The following BACE2 variants were observed in gnomAD, a reference collection of about 807,000 sequenced individuals.
BACE2 encodes the protein 56 kDa aspartic-like protease.
Under a neutral mutation model 46.2 loss-of-function variants are expected in BACE2, and 17 were observed. That is an observed-to-expected ratio of 0.37 (90% confidence interval 0.25 to 0.55). The LOEUF (loss-of-function observed/expected upper bound fraction) is 0.55, where lower values mean the gene tolerates loss of function less well. Among genes scored for constraint, BACE2 ranks in the 20% least tolerant of loss-of-function variants. BACE2 has a pLI of 0.82. For missense variants in BACE2, 595 were observed against 698.1 expected, an observed-to-expected ratio of 0.85 and a Z score of 1.66; for synonymous variants, 277 against 295.9, an observed-to-expected ratio of 0.94 and a Z score of 0.66.
At chr21:41,174,138 C>CTTTTTTTTTTTTTTTTTTTTTTTTTTT (rs1568853912) in intron 1 of BACE2, among the ~76,000 whole-genome samples, 2 of 70,648 alleles carry the variant, frequency 2.8e-5, no homozygotes, top group East Asian at 5.5e-4. Flanking sequence ...TGATCAGTGG[C>CTTTTTTTTTTTTTTTTTTTTTTTTTTT]CTTTTTTTTT....
chr21:41,242,056 G>A, intron 4 of BACE2, 109 bp downstream of exon 4: 1 of 1,428,708 alleles, frequency 7.0e-7, no homozygotes, highest in South Asian at 1.3e-5. Flanking sequence ...GGTGTGCGTA[G>A]GTACTGTAAA....
rs1191816469 is a variant in BACE2, at chr21:41,282,103, C to T, written c.*6479C>T. 1 of 152,212 alleles carries T rather than the reference C, an allele frequency of 6.6e-6. No individual in the cohort carries two copies. The highest frequency in any genetic ancestry group is 2.4e-5 in the African/African-American group (1 of 41,456). The allele number at this position is 152,212 out of a possible 1,614,324, so 9.4% of individuals were successfully genotyped here. ...CTGCTGTGCTAGAGTCAGTATTTTG[C>T]TTCTGGCAGGAGAGCTGCAAACTGT... On this transcript the variant is annotated 3_prime_UTR_variant, in exon 9 of 9. Coordinates refer to ENST00000330333, the MANE Select transcript of BACE2 (RefSeq NM_012105.5).
intron 1 of BACE2, among the ~76,000 whole-genome samples, chr21:41,225,188 C>T (rs1039291217): frequency 4.6e-5 from 7 of 150,552 alleles, no homozygotes; most frequent in East Asian, 2.0e-4. Context: ...GAGCCGAGAT[C>T]GTGCCACTGC....
chr21:41,192,084 T>C (rs1200935621), intron 1 of BACE2, among the ~76,000 whole-genome samples: 1 of 152,254 alleles, frequency 6.6e-6, no homozygotes, highest in Non-Finnish European at 1.5e-5. Flanking sequence ...TGCTCGAAGT[T>C]CTGCCCACTG....
intron 1 of BACE2, among the ~76,000 whole-genome samples, chr21:41,205,243 A>C (rs1407462722): frequency 6.6e-6 from 1 of 152,250 alleles, no homozygotes; most frequent in East Asian, 1.9e-4. Flanking sequence ...ACATACTCAC[A>C]TACAATTGTC....
At chr21:41,254,949 C>T (rs1987738769) in intron 7 of BACE2, among the ~76,000 whole-genome samples, 1 of 152,218 alleles carries the variant, frequency 6.6e-6, no homozygotes, top group Non-Finnish European at 1.5e-5. Context: ...TGCAGTGGAT[C>T]CCAAGAGACG....
chr21:41,202,888 T>G lies in BACE2; in HGVS notation c.313-23378T>G, dbSNP rs574004476. Among the ~76,000 whole-genome samples the G allele has an allele frequency of 2.0e-5, 3 of 152,308 alleles. 1 individual carries two copies. The South Asian group carries it at 6.2e-4, about 32-fold the overall frequency. On this transcript the variant is annotated intron_variant, in intron 1 of 8. Transcript: ENST00000330333. Reference sequence around the variant, plus strand: ...TTTTAAGTGTCTGAGGTGATTCCAGTGATCAGGCAGGACAAAATGATGACC... The same window carrying G: ...TTTTAAGTGTCTGAGGTGATTCCAGGGATCAGGCAGGACAAAATGATGACC...
At chr21:41,202,958 G>A (rs1201107513) in intron 1 of BACE2, among the ~76,000 whole-genome samples, 2 of 152,170 alleles carry the variant, frequency 1.3e-5, no homozygotes, top group African/African-American at 2.4e-5. Context: ...TGCAGTGACT[G>A]AGTCTGGTTA....
intron 1 of BACE2, among the ~76,000 whole-genome samples, chr21:41,221,475 C>T (rs1986643712): frequency 6.6e-6 from 1 of 152,144 alleles, no homozygotes; most frequent in Non-Finnish European, 1.5e-5. Context: ...GTACCAAGGG[C>T]AAAACGAGTG....
chr21:41,231,353 G>A (rs763280988), intron 2 of BACE2, among the ~76,000 whole-genome samples: 12 of 152,118 alleles, frequency 7.9e-5, no homozygotes, highest in African/African-American at 2.9e-4. Context: ...AGGGGCATCC[G>A]GTCACCTGGG....
intron 8 of BACE2, among the ~76,000 whole-genome samples, chr21:41,271,323 G>A (rs1462332737): frequency 6.6e-6 from 1 of 152,162 alleles, no homozygotes; most frequent in Non-Finnish European, 1.5e-5. Context: ...AATCCAGCAT[G>A]TGGCTTGTTT....
intron 1 of BACE2, among the ~76,000 whole-genome samples, chr21:41,190,478 C>T (rs1376057542): frequency 6.6e-6 from 1 of 152,158 alleles, no homozygotes; most frequent in Non-Finnish European, 1.5e-5. Context: ...ATGTTTTTAA[C>T]AAAACAAGGA....
intron 8 of BACE2, among the ~76,000 whole-genome samples, chr21:41,275,112 C>T (rs901852803): frequency 6.6e-6 from 1 of 152,156 alleles, no homozygotes; most frequent in South Asian, 2.1e-4. Context: ...TCCATATGTG[C>T]CCTGCTGCAG....
chr21:41,226,245 T>G (rs764522009), intron 1 of BACE2, 21 bp from the exon 2 acceptor site: 6 of 1,590,546 alleles, frequency 3.8e-6, no homozygotes, highest in Non-Finnish European at 5.1e-6. Flanking sequence ...CTATTTTTTT[T>G]TTCTCCTTAA....
intron 1 of BACE2, among the ~76,000 whole-genome samples, chr21:41,218,868 A>T (rs1986553686): frequency 2.8e-5 from 3 of 109,024 alleles, no homozygotes; most frequent in African/African-American, 5.1e-5. Context: ...AAACATCTTG[A>T]CTTTTTTTTT....
chr21:41,220,239 A>T (rs1272854364), intron 1 of BACE2, among the ~76,000 whole-genome samples: 2 of 152,180 alleles, frequency 1.3e-5, no homozygotes, highest in Non-Finnish European at 2.9e-5. Flanking sequence ...ACCCTCCGGG[A>T]ACCTCAGCTG....
At chr21:41,198,802 A>AGTT (rs1985832663) in intron 1 of BACE2, among the ~76,000 whole-genome samples, 3 of 151,796 alleles carry the variant, frequency 2.0e-5, no homozygotes, top group Admixed American at 6.6e-5. Flanking sequence ...AATAACCATC[A>AGTT]CCCTTCTAGG....
chr21:41,250,675 G>T (rs1223136138), intron 6 of BACE2, 77 bp from the exon 7 acceptor site: 6 of 1,410,634 alleles, frequency 4.3e-6, no homozygotes, highest in Non-Finnish European at 5.0e-6. Flanking sequence ...TGGCGAGGTG[G>T]CTAGGAAAGC....
intron 8 of BACE2, among the ~76,000 whole-genome samples, chr21:41,267,750 C>G (rs905567930): frequency 6.6e-6 from 1 of 152,020 alleles, no homozygotes. Flanking sequence ...CAGAAGAGAA[C>G]ACTGAGGGCC....
Sources: allele counts gnomAD v4.1 joint callset (sites outside exome capture counted in the v4.1 genomes callset), GRCh38; gene constraint gnomAD v4.1.1; transcripts MANE v1.5; gene names NCBI Gene and HGNC (gene_info 2026-07-23, HGNC 2026-07-21).